CASTOR1: variants seen among roughly 807,000 people sequenced by gnomAD.
CASTOR1 encodes GATS protein like 3.
A neutral mutation model predicts 33.7 loss-of-function variants in CASTOR1; 18 were observed. The ratio of observed to expected loss-of-function variants is 0.53; its 90% CI spans 0.37 to 0.79. The LOEUF (loss-of-function observed/expected upper bound fraction) is 0.79, where lower values mean the gene tolerates loss of function less well. Among genes scored for constraint, CASTOR1 ranks in the 30% least tolerant of loss-of-function variants. The pLI, the probability that CASTOR1 is intolerant of heterozygous loss-of-function variation, is 0.00. For synonymous variants in CASTOR1, 175 were observed against 190.6 expected (o/e 0.92, Z 0.67); for missense variants, 362 against 446.3 (o/e 0.81, Z 1.70).
Position 30,285,670 on chromosome 22 carries a change from C to T in CASTOR1, c.940G>A (p.Gly314Ser), listed in dbSNP as rs1263006101. Residue 314 changes from glycine (G) to serine (S), a missense_variant, in exon 9 of 9, where the codon GGC becomes AGC. Physicochemically the swap from Gly to Ser is moderately conservative, Grantham distance 56. Transcript: ENST00000407689. ...CGCTGGAGGACCTCGATGACGCTGC[C>T]GATACCGTCCTCGGGCACCTGAGGG... ...DHALVPEDGI[G>S]SVIEVLQRRQ... is the part of the protein sequence containing the mutation. 2.2e-5 allele frequency: 35 copies of T among 1,570,322 alleles called. No homozygotes were observed. The highest frequency in any genetic ancestry group is 2.7e-5 in the African/African-American group (2 of 74,008).
In CASTOR1 at chr22:30,285,854, G is replaced by T; in HGVS notation, c.899C>A (p.Thr300Asn). The T allele has an allele frequency of 1.4e-6, 1 of 728,508 alleles. No individual in the cohort carries two copies. Among genetic ancestry groups the T allele is most frequent in the Admixed American group, 4.1e-5 (1 of 24,248 alleles). 45.1% of individuals were successfully genotyped at this position (728,508 alleles called of 1,614,324 possible). ...AADISAYYIS[T>N]FNFDHALVPE... ...CACCAGGGCGTGGTCGAAGTTGAAG[G>T]TGCTGATGTAGTAGGCAGAGATGTC... is the stretch of plus-strand genomic sequence containing the variant. The change falls in exon 8 of 9, where the codon ACC becomes AAC. Residue 300 changes from threonine (T) to asparagine (N), a missense_variant. By Grantham distance (65) the Thr-to-Asn change is moderately conservative. Coordinates refer to ENST00000407689, the MANE Select transcript of CASTOR1 (RefSeq NM_001037666.3).
chr22:30,289,321 C>T, intron 1 of CASTOR1, 64 bp downstream of exon 1: 1 of 1,196,000 alleles, frequency 8.4e-7, no homozygotes, highest in South Asian at 1.3e-5. Flanking sequence ...AATCCTCCGA[C>T]CCTGGCCCGG....
At position 30,286,963 on chromosome 22, in the gene CASTOR1, C is replaced by T; in HGVS notation, c.506-15G>A. On this transcript the variant is annotated splice_polypyrimidine_tract_variant and intron_variant, in intron 4 of 8. Coordinates refer to ENST00000407689, the MANE Select transcript of CASTOR1 (RefSeq NM_001037666.3). Reference sequence around the variant, plus strand: ...GGGGCTGGGCCCTGCTGGAGGACAGCAGCAGGTGAAAAGGTGTCCGTGGGC... The same window carrying T: ...GGGGCTGGGCCCTGCTGGAGGACAGTAGCAGGTGAAAAGGTGTCCGTGGGC... The T allele has an allele frequency of 6.2e-7, 1 of 1,604,326 alleles. No individual in the cohort carries two copies. Among genetic ancestry groups the T allele is most frequent in the Non-Finnish European group, 8.5e-7 (1 of 1,173,992 alleles).
chr22:30,286,681 T>C, intron 5 of CASTOR1, 144 bp downstream of exon 5: 2 of 1,068,660 alleles, frequency 1.9e-6, no homozygotes, highest in South Asian at 2.7e-5. Context: ...CGAACATCAG[T>C]GAAGCACAAG....
At position 30,286,894 on chromosome 22, in the gene CASTOR1, AG is replaced by A; in HGVS notation, c.559del (p.Leu187SerfsTer16). On this transcript the variant is annotated frameshift_variant, in exon 5 of 9. Coordinates refer to ENST00000407689, the MANE Select transcript of CASTOR1 (RefSeq NM_001037666.3). LOFTEE classifies it high-confidence loss of function. ...TGGAAGCGTCTCAGGGTCCAGTGTG[AG>A]GACACAGAAGCGGTTCTGTGGGCTC... ...IQSPQNRFCVLTLDPETLPAI... is the reference protein window; with the variant it reads ...IQSPQNRFCVXTLDPETLPAI... 1 of 1,614,134 alleles carries A rather than the reference AG, an allele frequency of 6.2e-7. No homozygotes were observed. Among genetic ancestry groups the A allele is most frequent in the Non-Finnish European group, 8.5e-7 (1 of 1,179,988 alleles).
chr22:30,288,638 T>C (rs959435482), intron 2 of CASTOR1, 68 bp downstream of exon 2: 1 of 1,379,988 alleles, frequency 7.2e-7, no homozygotes, highest in African/African-American at 1.4e-5. Context: ...CAGCAACTGG[T>C]GAGAACCCTA....
At position 30,286,060 on chromosome 22, in the gene CASTOR1, T is replaced by C; in HGVS notation, c.782A>G (p.Glu261Gly). The part of the protein sequence containing the change: ...SDLLLTSSSG[E>G]LWRMVRIGGQ... The stretch of plus-strand genomic sequence containing the variant: ...ACCGATGCGCACCATCCTCCACAGC[T>C]CCCCCGAGGAGCTGGTCAGCAGGAG... The change falls in exon 7 of 9, where the codon GAG becomes GGG. Residue 261 changes from glutamate (E) to glycine (G), a missense_variant. Glu to Gly is a moderately conservative substitution (Grantham distance 98). Transcript: ENST00000407689. 1 of 1,582,770 alleles carries C rather than the reference T, an allele frequency of 6.3e-7. No individual in the cohort carries two copies. The highest frequency in any genetic ancestry group is 8.6e-7 in the Non-Finnish European group (1 of 1,162,554).
Position 30,287,493 on chromosome 22 carries a change from G to C in CASTOR1, c.252C>G (p.His84Gln). The C allele has an allele frequency of 2.5e-6, 4 of 1,613,442 alleles. No individual in the cohort carries two copies. Among genetic ancestry groups the C allele is most frequent in the Non-Finnish European group, 3.4e-6 (4 of 1,180,028 alleles). ...CAGCAGCCTGCACTGCCGCACCGCT[G>C]TGAGACGACACGTTCAGCACCAGCC... ...ATWLVLNVSS[H>Q]SGAAVQAAGV... The change falls in exon 3 of 9, where the codon CAC (histidine) becomes CAG (glutamine). Residue 84 changes from histidine to glutamine, a missense_variant. By Grantham distance (24) the His-to-Gln change is conservative. Coordinates refer to ENST00000407689, the MANE Select transcript of CASTOR1 (RefSeq NM_001037666.3).
At chr22:30,286,653 T>G (rs1354726132) in intron 5 of CASTOR1, 172 bp downstream of exon 5, 1 of 869,074 alleles carries the variant, frequency 1.2e-6, no homozygotes, top group East Asian at 2.6e-5. Flanking sequence ...GATCCAGCTT[T>G]GGGGCAAGAA....
chr22:30,287,245 G>A lies in CASTOR1; in HGVS notation c.415C>T (p.Gln139Ter), dbSNP rs775900727. The A allele has an allele frequency of 6.3e-7, 1 of 1,585,072 alleles. No individual in the cohort carries two copies. Among genetic ancestry groups the A allele is most frequent in the South Asian group, 1.2e-5 (1 of 86,482 alleles). The change falls in exon 4 of 9, where the codon CAG becomes TAG. Residue 139 changes from glutamine to a stop codon, truncating the protein, a stop_gained. Transcript: ENST00000407689. LOFTEE classifies it high-confidence loss of function. ...ACCTCGCGGTAAATGTCGAACTCCT[G>A]GGCCAGCGTGTGGATCACCACGGAC... ...DLSVVIHTLA[Q>*]EFDIYREVGG...
In CASTOR1 at chr22:30,288,703, C is replaced by G. The variant is rs1455997863; in HGVS notation, c.184+3G>C. On this transcript the variant is annotated splice_donor_region_variant and intron_variant, in intron 2 of 8. Coordinates refer to ENST00000407689, the MANE Select transcript of CASTOR1 (RefSeq NM_001037666.3). ...TACTCCCGTTCCCCAGACCAACCCCCACCTTTAAAGCCCTCCTCGTCCACC... is the reference window on the plus strand; with the variant it reads ...TACTCCCGTTCCCCAGACCAACCCCGACCTTTAAAGCCCTCCTCGTCCACC... 2.5e-6 allele frequency: 4 copies of G among 1,611,666 alleles called. No individual in the cohort carries two copies. The highest frequency in any genetic ancestry group is 3.4e-6 in the Non-Finnish European group (4 of 1,179,020).
rs2145751334 is a variant in CASTOR1, at chr22:30,286,095, G to A, written c.747C>T (p.Phe249=). The A allele has an allele frequency of 6.4e-7, 1 of 1,569,668 alleles. No individual in the cohort carries two copies. The highest frequency in any genetic ancestry group is 2.3e-5 in the East Asian group (1 of 44,316). ...IVMDAETQKK[F]PSDLLLTSSS... The stretch of plus-strand genomic sequence containing the variant: ...AGCTGGTCAGCAGGAGGTCACTGGG[G>A]AACCTGGGGAGGGAGATGGGTGATG... The change falls in exon 7 of 9, where the codon TTC becomes TTT. Residue 249 remains phenylalanine, a synonymous_variant. Transcript: ENST00000407689.
Position 30,285,214 on chromosome 22 carries a change from C to T in CASTOR1, c.*406G>A, listed in dbSNP as rs16988458. ...AGGCCCCAGGAGGGAGAGGCACTGT[C>T]AGGACTCACCTGGCCAGGGAAGGCA... On this transcript the variant is annotated 3_prime_UTR_variant, in exon 9 of 9. Transcript: ENST00000407689. 0.012 allele frequency: 2,066 copies of T among 176,166 alleles called. 30 individuals are homozygous for T. Among genetic ancestry groups the T allele is most frequent in the African/African-American group, 0.046 (1,941 of 42,294 alleles). The allele number at this position is 176,166 out of a possible 1,614,324, so 10.9% of individuals were successfully genotyped here.
intron 5 of CASTOR1, 131 bp downstream of exon 5, chr22:30,286,694 A>G (rs1929779337): frequency 8.7e-7 from 1 of 1,149,168 alleles, no homozygotes; most frequent in East Asian, 2.5e-5. Context: ...AGCACAAGTG[A>G]GCATCATGGG....
At chr22:30,288,817 A>T in intron 1 of CASTOR1, 41 bp from the exon 2 acceptor site, 1 of 1,553,982 alleles carries the variant, frequency 6.4e-7, no homozygotes, top group Non-Finnish European at 8.8e-7. Flanking sequence ...GGTGTGGAGA[A>T]CTAGGGGTCG....
Position 30,285,527 on chromosome 22 carries a change from G to A in CASTOR1, c.*93C>T. 2.9e-6 allele frequency: 3 copies of A among 1,024,078 alleles called. No homozygotes were observed. Among genetic ancestry groups the A allele is most frequent in the Non-Finnish European group, 4.3e-6 (3 of 690,602 alleles). The allele number at this position is 1,024,078 out of a possible 1,614,324, so 63.4% of individuals were successfully genotyped here. On this transcript the variant is annotated 3_prime_UTR_variant, in exon 9 of 9. Coordinates refer to ENST00000407689, the MANE Select transcript of CASTOR1 (RefSeq NM_001037666.3). ...ACGAGGGTCCCCAGCAGAACAGGGG[G>A]CTCGTTCCAGAGCTTAAGGAAATAG...
At position 30,286,877 on chromosome 22, in the gene CASTOR1, T is replaced by A; in HGVS notation, c.577A>T (p.Thr193Ser). The part of the protein sequence containing the change: ...RFCVLTLDPE[T>S]LPAIATTLID... ...AGGGTGGTGGCGATGGCTGGAAGCG[T>A]CTCAGGGTCCAGTGTGAGGACACAG... The change falls in exon 5 of 9, where the codon ACG (threonine) becomes TCG (serine). Residue 193 changes from threonine to serine, a missense_variant. Transcript: ENST00000407689. 6.2e-7 allele frequency: 1 copy of A among 1,614,106 alleles called. No homozygotes were observed.
rs1213270482 is a variant in CASTOR1 at position 30,285,341 on chromosome 22, G to A, written c.*279C>T. 5 of 370,468 alleles carry A rather than the reference G, an allele frequency of 1.3e-5. No homozygotes were observed. The highest frequency in any genetic ancestry group is 2.5e-5 in the Non-Finnish European group (5 of 203,782). 22.9% of individuals were successfully genotyped at this position (370,468 alleles called of 1,614,324 possible). A position where few individuals can be genotyped will look rare whatever the true frequency, so the allele number is the denominator to read the frequency against. On this transcript the variant is annotated 3_prime_UTR_variant, in exon 9 of 9. Transcript: ENST00000407689. ...CAGGGACTGTGCAAACGCCGAGGCT[G>A]CGCAGGGAGTGATGGGTTGGGGGCT...
At chr22:30,288,977 A>C (rs1259591300) in intron 1 of CASTOR1, 1 of 566,080 alleles carries the variant, frequency 1.8e-6, no homozygotes, top group African/African-American at 1.9e-5. Context: ...CGACCTCTCC[A>C]GGAACCCTCC....
Sources: allele counts gnomAD v4.1 joint callset, GRCh38; gene constraint gnomAD v4.1.1; transcripts MANE v1.5; gene names NCBI Gene and HGNC (gene_info 2026-07-23, HGNC 2026-07-21).